MIA2: variants seen among roughly 807,000 people sequenced by gnomAD.
MIA2 encodes MIA SH3 domain ER export factor 2, also known as melanoma inhibitory activity protein 2.
A neutral mutation model predicts 167.8 loss-of-function variants in MIA2; 127 were observed. The ratio of observed to expected loss-of-function variants is 0.76; its 90% CI spans 0.66 to 0.88. The LOEUF is 0.88. MIA2 is among the 40% of genes least tolerant of loss of function. The pLI is 0.00. For missense variants in MIA2, 1,690 were observed against 1,624.7 expected (o/e 1.04, Z -0.69); for synonymous variants, 552 against 541.9 (o/e 1.02, Z -0.26).
intron 16 of MIA2, among the ~76,000 whole-genome samples, chr14:39,303,948 C>T (rs968399591): frequency 1.3e-5 from 2 of 151,686 alleles, no homozygotes; most frequent in African/African-American, 4.8e-5. Flanking sequence ...CTCATTTTTG[C>T]TGATCTATGT....
Position 39,234,178 on chromosome 14 carries a change from A to G in MIA2, c.64A>G (p.Ser22Gly). The change falls in exon 1 of 29, where the codon AGT becomes GGT. Residue 22 changes from serine (S) to glycine (G), a missense_variant. Physicochemically the swap from Ser to Gly is moderately conservative, Grantham distance 56 (BLOSUM62 0). Coordinates refer to ENST00000640607, the MANE Select transcript of MIA2 (RefSeq NM_001329214.4). The part of the protein sequence containing the change: ...LAISLTKCLE[S>G]TKLLADLKKC... ...TATTTCTCTGACAAAGTGTCTGGAG[A>G]GTACAAAACTGCTGGCAGACCTTAA... is the stretch of plus-strand genomic sequence containing the variant. 6.2e-7 allele frequency: 1 copy of G among 1,610,208 alleles called. No homozygotes were observed. The highest frequency in any genetic ancestry group is 8.5e-7 in the Non-Finnish European group (1 of 1,178,560).
intron 6 of MIA2, among the ~76,000 whole-genome samples, chr14:39,273,432 C>A (rs77778319): frequency 0.031 from 4,755 of 151,772 alleles, 268 homozygotes; most frequent in African/African-American, 0.11. Flanking sequence ...GATTCACTGC[C>A]GTCTCGACTT....
exon 24 of MIA2, chr14:39,387,491 C>G (rs1211037357): frequency 2.0e-5 from 3 of 152,224 alleles, no homozygotes; most frequent in Non-Finnish European, 4.4e-5. Context: ...CATGATAAAA[C>G]TTGAACAAAT....
chr14:39,272,026 G>C (rs956465272), intron 6 of MIA2, among the ~76,000 whole-genome samples: 1 of 152,024 alleles, frequency 6.6e-6, no homozygotes, highest in Non-Finnish European at 1.5e-5. Flanking sequence ...TTAAAGCAAA[G>C]ACACCACTTA....
chr14:39,267,109 G>A, intron 6 of MIA2: 7 of 1,131,102 alleles, frequency 6.2e-6, no homozygotes, highest in Non-Finnish European at 5.5e-6. Flanking sequence ...AGAAGGGGAA[G>A]TTTGCGGCTG....
chr14:39,384,870 G>T (rs1454049188), intron 23 of MIA2, among the ~76,000 whole-genome samples: 2 of 152,160 alleles, frequency 1.3e-5, no homozygotes, highest in African/African-American at 4.8e-5. Flanking sequence ...TGGGAAAAAC[G>T]TGAAAGGATT....
intron 6 of MIA2, chr14:39,276,725 G>C (rs1393966830): frequency 8.0e-6 from 4 of 497,968 alleles, no homozygotes; most frequent in Non-Finnish European, 1.4e-5. Flanking sequence ...TAGAACTCCA[G>C]TTTGAAGATA....
At chr14:39,386,049 T>C in intron 23 of MIA2, 1 of 1,171,076 alleles carries the variant, frequency 8.5e-7, no homozygotes, top group Non-Finnish European at 1.3e-6. Flanking sequence ...GACAACCTCT[T>C]CTTGCAAAAA....
chr14:39,266,071 A>C (rs1208550985), intron 6 of MIA2: 10 of 985,330 alleles, frequency 1.0e-5, no homozygotes, highest in Admixed American at 6.1e-5. Flanking sequence ...TTTAAATGGC[A>C]TAACAGTTCG....
downstream of MIA2, among the ~76,000 whole-genome samples, chr14:39,356,236 T>C (rs900961662): frequency 2.0e-5 from 3 of 152,208 alleles, no homozygotes; most frequent in South Asian, 2.1e-4. Context: ...TCAGAGCCTG[T>C]TATTGGTCTA....
chr14:39,363,406 T>C (rs1253192954), intron 23 of MIA2, among the ~76,000 whole-genome samples: 1 of 152,218 alleles, frequency 6.6e-6, no homozygotes, highest in Admixed American at 6.5e-5. Flanking sequence ...GGAATGTGCC[T>C]GTAGTCCCAG....
intron 23 of MIA2, among the ~76,000 whole-genome samples, chr14:39,379,682 C>T (rs1415057494): frequency 1.3e-5 from 2 of 151,880 alleles, no homozygotes; most frequent in Admixed American, 1.3e-4. Flanking sequence ...CAAAACCCCA[C>T]CCCTACTAAA....
chr14:39,285,449 A>C (rs1270687028), intron 9 of MIA2, among the ~76,000 whole-genome samples: 2 of 125,346 alleles, frequency 1.6e-5, no homozygotes, highest in African/African-American at 3.1e-5. Flanking sequence ...TTCCTCCCGG[A>C]CGGGGCGGCT....
At position 39,308,684 on chromosome 14, in the gene MIA2, AT is replaced by A; in HGVS notation, c.3017+100del. On this transcript the variant is annotated intron_variant, in intron 18 of 28. Coordinates refer to ENST00000640607, the MANE Select transcript of MIA2 (RefSeq NM_001329214.4). ...CTATAGTGATTATTGAAAGTTCTCA[AT>A]TTATGATTAGATTGTATTTCATCAA... is the stretch of plus-strand genomic sequence containing the variant. 5 of 988,800 alleles carry A rather than the reference AT, an allele frequency of 5.1e-6. No homozygotes were observed. The South Asian group carries it at 9.3e-5, about 18-fold the overall frequency. The allele number at this position is 988,800 out of a possible 1,614,324, so 61.3% of individuals were successfully genotyped here.
intron 13 of MIA2, among the ~76,000 whole-genome samples, chr14:39,299,244 A>C (rs1373209839): frequency 6.6e-6 from 1 of 150,828 alleles, no homozygotes; most frequent in South Asian, 2.1e-4. Context: ...CTTTCCTGTA[A>C]AAGTATATAT....
At chr14:39,314,367 A>G (rs1411495772) in intron 19 of MIA2, among the ~76,000 whole-genome samples, 1 of 140,688 alleles carries the variant, frequency 7.1e-6, no homozygotes, top group Non-Finnish European at 1.5e-5. Flanking sequence ...ATACTGGGCA[A>G]CAAGAGCGAC....
At chr14:39,348,250 T>C (rs2073848668) in intron 27 of MIA2, among the ~76,000 whole-genome samples, 1 of 152,228 alleles carries the variant, frequency 6.6e-6, no homozygotes, top group Non-Finnish European at 1.5e-5. Context: ...TGAAAGCTGT[T>C]TCTTTTGTAG....
chr14:39,267,213 C>G, intron 6 of MIA2: 2 of 1,333,844 alleles, frequency 1.5e-6, no homozygotes, highest in South Asian at 1.8e-5. Flanking sequence ...TTGTGCGGGT[C>G]GGGCTCGGAC....
At chr14:39,240,690 C>T (rs1416786359) in intron 3 of MIA2, 43 bp downstream of exon 3, 1 of 1,480,668 alleles carries the variant, frequency 6.8e-7, no homozygotes. Flanking sequence ...TTTAAAATTT[C>T]TTGGTTAAAA....
Sources: allele counts gnomAD v4.1 joint callset (sites outside exome capture counted in the v4.1 genomes callset), GRCh38; gene constraint gnomAD v4.1.1; transcripts MANE v1.5; gene names NCBI Gene and HGNC (gene_info 2026-07-23, HGNC 2026-07-21).